The following BTNL3 variants were observed in gnomAD, a reference collection of about 807,000 sequenced individuals.
The protein encoded by BTNL3 is butyrophilin-like protein 3.
BTNL3 carries 20 observed loss-of-function variants against 40.1 expected under a neutral mutation model. The ratio of observed to expected loss-of-function variants is 0.50; its 90% confidence interval spans 0.35 to 0.72. The LOEUF (loss-of-function observed/expected upper bound fraction) is 0.72. Among genes scored for constraint, BTNL3 ranks in the 30% least tolerant of loss-of-function variants. The pLI is 0.01. For synonymous variants in BTNL3, 179 were observed against 222.1 expected, an observed-to-expected ratio of 0.81 and a Z score of 1.73; for missense variants, 449 against 582.2, an observed-to-expected ratio of 0.77 and a Z score of 2.35.
At chr5:181,000,603 G>A (rs1248521848) in intron 3 of BTNL3, among the ~76,000 whole-genome samples, 2 of 132,576 alleles carry the variant, frequency 1.5e-5, no homozygotes, top group African/African-American at 2.6e-5. Context: ...TCAGGAGATC[G>A]AGACCATCCT....
At chr5:180,998,021 C>CCT (rs1408557676) in intron 3 of BTNL3, among the ~76,000 whole-genome samples, 1 of 135,938 alleles carries the variant, frequency 7.4e-6, no homozygotes, top group Non-Finnish European at 1.7e-5. Context: ...TTGCAGTGAG[C>CCT]CGAGATGGCA....
intron 1 of BTNL3, among the ~76,000 whole-genome samples, chr5:180,991,935 C>T (rs1223272942): frequency 1.5e-5 from 2 of 137,012 alleles, no homozygotes; most frequent in African/African-American, 5.0e-5. Flanking sequence ...AAAAAAATCA[C>T]AAAAAATCTT....
rs11954740 is a variant in BTNL3, at chr5:181,003,895, G to A, written c.808+19G>A. ...GAACTGGGTATGTGTCATGTCCTGAGCCTCCCACACATGGTTCTCCCGGGT... is the reference window on the plus strand; with the variant it reads ...GAACTGGGTATGTGTCATGTCCTGAACCTCCCACACATGGTTCTCCCGGGT... On this transcript the variant is annotated intron_variant, in intron 5 of 7. Coordinates refer to ENST00000342868, the MANE Select transcript of BTNL3 (RefSeq NM_197975.3). 0.11 allele frequency: 176,054 copies of A among 1,613,782 alleles called. 10,143 individuals are homozygous for A. Among genetic ancestry groups the A allele is most frequent in the African/African-American group, 0.17 (12,933 of 74,868 alleles).
In BTNL3 at chr5:180,988,914, T is replaced by C; in HGVS notation, c.-115T>C. 8.5e-7 allele frequency: 1 copy of C among 1,178,418 alleles called. No individual in the cohort carries two copies. The highest frequency in any genetic ancestry group is 1.2e-6 in the Non-Finnish European group (1 of 838,948). 73.0% of individuals were successfully genotyped at this position (1,178,418 alleles called of 1,614,324 possible). On this transcript the variant is annotated 5_prime_UTR_variant, in exon 1 of 8. An upstream start codon of the reference 5' UTR is lost. Transcript: ENST00000342868. ...GAAATGCACAGTTTGACATCGTTCA[T>C]GAAGAGCCTCTCCACGGCTCCTGCG...
rs1252183178 is a variant in BTNL3 at position 180,991,641 on chromosome 5, T to C, written c.50-1172T>C. ...CCCTGTCTGTGGAGCCCATTCTCCA[T>C]GCTGGGCATGGGGAATCCTGTGCTG... On this transcript the variant is annotated intron_variant, in intron 1 of 7. Coordinates refer to ENST00000342868, the MANE Select transcript of BTNL3 (RefSeq NM_197975.3). 1.5e-5 allele frequency among the ~76,000 whole-genome samples: 2 copies of C among 136,986 alleles called. 1 individual carries two copies. The highest frequency in any genetic ancestry group is 5.0e-5 in the African/African-American group (2 of 39,692). 89.9% of individuals were successfully genotyped at this position (136,986 alleles called of 152,430 possible). A position where few individuals can be genotyped will look rare whatever the true frequency, so the allele number is the denominator to read the frequency against.
In BTNL3 at chr5:181,002,814, T is replaced by C. The variant is rs770642461; in HGVS notation, c.787+29T>C. 7 of 1,435,682 alleles carry C rather than the reference T, an allele frequency of 4.9e-6. 2 individuals are homozygous for C. The highest frequency in any genetic ancestry group is 6.7e-6 in the Non-Finnish European group (7 of 1,040,306). 88.9% of individuals were successfully genotyped at this position (1,435,682 alleles called of 1,614,324 possible). A position where few individuals can be genotyped will look rare whatever the true frequency, so the allele number is the denominator to read the frequency against. On this transcript the variant is annotated intron_variant, in intron 4 of 7. Coordinates refer to ENST00000342868, the MANE Select transcript of BTNL3 (RefSeq NM_197975.3). The stretch of plus-strand genomic sequence containing the variant: ...AGTGAGAGAGAGAAGCATGGGCCCA[T>C]ACCTTCTTCATGGTTCCAGTGGAGC...
intron 2 of BTNL3, among the ~76,000 whole-genome samples, chr5:180,993,561 G>A (rs976657396): frequency 1.5e-5 from 2 of 135,562 alleles, no homozygotes; most frequent in African/African-American, 5.1e-5. Flanking sequence ...ATAACATTTT[G>A]TAGTGTTTTC....
At position 180,993,154 on chromosome 5, in the gene BTNL3, G is replaced by A; in HGVS notation, c.391G>A (p.Val131Met). 1 of 1,434,900 alleles carries A rather than the reference G, an allele frequency of 7.0e-7. No homozygotes were observed. The allele number at this position is 1,434,900 out of a possible 1,614,324, so 88.9% of individuals were successfully genotyped here. A position where few individuals can be genotyped will look rare whatever the true frequency, so the allele number is the denominator to read the frequency against. ...YDEEATWELR[V>M]AALGSLPLIS... is the part of the protein sequence containing the mutation. ...TGAGGAGGCCACCTGGGAGCTGCGG[G>A]TGGCAGGTCAGTTGTTTATTTATGA... The change falls in exon 2 of 8, where the codon GTG becomes ATG. Residue 131 changes from valine to methionine, a missense_variant. By Grantham distance (21) the Val-to-Met change is conservative. Around this residue, in one of 2 missense-constraint regions of BTNL3, gnomAD observed 323 missense variants for 464.9 expected, o/e 0.69. Transcript: ENST00000342868.
rs1759953362 is a variant in BTNL3 at position 180,990,382 on chromosome 5, T to G, written c.49+1305T>G. Among the ~76,000 whole-genome samples, 2 of 137,670 alleles carry G rather than the reference T, an allele frequency of 1.5e-5. 1 individual carries two copies. The highest frequency in any genetic ancestry group is 3.3e-5 in the Non-Finnish European group (2 of 60,030). The allele number at this position is 137,670 out of a possible 152,430, so 90.3% of individuals were successfully genotyped here. A position where few individuals can be genotyped will look rare whatever the true frequency, so the allele number is the denominator to read the frequency against. ...GCTAATAACTTCTATTAGCATCAAT[T>G]TTTGCTTATGATGACATAGAGATAA... On this transcript the variant is annotated intron_variant, in intron 1 of 7. Transcript: ENST00000342868.
chr5:180,992,939 A>C lies in BTNL3; in HGVS notation c.176A>C (p.Gln59Pro), dbSNP rs1354301623. Residue 59 changes from glutamine (Q) to proline (P), a missense_variant, in exon 2 of 8, where the codon CAG becomes CCG. Gln to Pro is a moderately conservative substitution (Grantham distance 76). Transcript: ENST00000342868. ...ATGGAAGTGCGGTTCTTCAGGAATCAGTTCCATGCTGTGGTCCACCTCTAC... is the reference window on the plus strand; with the variant it reads ...ATGGAAGTGCGGTTCTTCAGGAATCCGTTCCATGCTGTGGTCCACCTCTAC... ...EAMEVRFFRNQFHAVVHLYRD... is the reference protein window; with the variant it reads ...EAMEVRFFRNPFHAVVHLYRD... 1 of 1,463,114 alleles carries C rather than the reference A, an allele frequency of 6.8e-7. No homozygotes were observed. Among genetic ancestry groups the C allele is most frequent in the African/African-American group, 1.4e-5 (1 of 72,422 alleles). The allele number at this position is 1,463,114 out of a possible 1,614,324, so 90.6% of individuals were successfully genotyped here. A position where few individuals can be genotyped will look rare whatever the true frequency, so the allele number is the denominator to read the frequency against.
Position 181,005,681 on chromosome 5 carries a change from C to G in BTNL3, c.1210C>G (p.Pro404Ala), listed in dbSNP as rs751541919. 2 of 1,614,148 alleles carry G rather than the reference C, an allele frequency of 1.2e-6. No individual in the cohort carries two copies. Among genetic ancestry groups the G allele is most frequent in the Non-Finnish European group, 1.7e-6 (2 of 1,180,022 alleles). ...TATCAGCCTCCCCCCCAGCACCCCT[C>G]CTACACGAGTAGGGGTCTTCCTGGA... ...HFISLPPSTP[P>A]TRVGVFLDYE... The change falls in exon 8 of 8, where the codon CCT becomes GCT. Residue 404 changes from proline (P) to alanine (A), a missense_variant. By Grantham distance (27) the Pro-to-Ala change is conservative (BLOSUM62 -1). Coordinates refer to ENST00000342868, the MANE Select transcript of BTNL3 (RefSeq NM_197975.3).
chr5:180,995,470 T>C lies in BTNL3; in HGVS notation c.398-1743T>C, dbSNP rs958480679. Among the ~76,000 whole-genome samples the C allele has an allele frequency of 1.5e-5, 2 of 136,856 alleles. 1 individual carries two copies. The highest frequency in any genetic ancestry group is 3.3e-5 in the Non-Finnish European group (2 of 59,784). The allele number at this position is 136,856 out of a possible 152,430, so 89.8% of individuals were successfully genotyped here. On this transcript the variant is annotated intron_variant, in intron 2 of 7. Transcript: ENST00000342868. ...TCAGGTCCTAGTCTATTTTTGGTGG[T>C]TGTGGCTCCAAATACAATTTAATTT...
Position 180,992,883 on chromosome 5 carries a change from C to T in BTNL3, c.120C>T (p.Cys40=). ...TGGGGGAGGACGCCGTGTTCTCCTG[C>T]TCCCTCTTTCCTGAGACCAGTGCAG... ...ALVGEDAVFS[C]SLFPETSAEA... is the part of the protein sequence containing the mutation. Residue 40 remains cysteine (C), a synonymous_variant, in exon 2 of 8, where the codon TGC becomes TGT. Transcript: ENST00000342868. 6.8e-7 allele frequency: 1 copy of T among 1,463,300 alleles called. No individual in the cohort carries two copies. Among genetic ancestry groups the T allele is most frequent in the South Asian group, 1.1e-5 (1 of 89,280 alleles). 90.6% of individuals were successfully genotyped at this position (1,463,300 alleles called of 1,614,324 possible).
At chr5:181,001,002 C>T (rs1363378194) in intron 3 of BTNL3, among the ~76,000 whole-genome samples, 1 of 135,108 alleles carries the variant, frequency 7.4e-6, no homozygotes, top group Non-Finnish European at 1.7e-5. Flanking sequence ...CCATTGTTCA[C>T]AGTTTATATG....
intron 4 of BTNL3, 134 bp from the exon 5 acceptor site, chr5:181,003,722 A>T: frequency 2.0e-6 from 3 of 1,501,056 alleles, no homozygotes; most frequent in Non-Finnish European, 2.7e-6. Flanking sequence ...TGGGGAGACG[A>T]GCACATATAA....
chr5:180,997,725 A>G (rs1760053448), intron 3 of BTNL3, among the ~76,000 whole-genome samples: 1 of 137,580 alleles, frequency 7.3e-6, no homozygotes, highest in Non-Finnish European at 1.7e-5. Context: ...CAATACCCCC[A>G]TGGTGCAACA....
rs1760069439 is a variant in BTNL3, at chr5:180,998,897, C to T, written c.673+1409C>T. 1.5e-5 allele frequency among the ~76,000 whole-genome samples: 2 copies of T among 137,280 alleles called. 1 individual carries two copies. The highest frequency in any genetic ancestry group is 5.0e-5 in the African/African-American group (2 of 39,894). 90.1% of individuals were successfully genotyped at this position (137,280 alleles called of 152,430 possible). A position where few individuals can be genotyped will look rare whatever the true frequency, so the allele number is the denominator to read the frequency against. ...ATCCCAGCACTTTGGAAGGCCAAGA[C>T]AGGCGGATCACCTGAGGTCAGGAGT... On this transcript the variant is annotated intron_variant, in intron 3 of 7. Transcript: ENST00000342868.
chr5:181,006,012 C>G lies in BTNL3; in HGVS notation c.*140C>G, dbSNP rs754378880. 9.2e-6 allele frequency: 9 copies of G among 974,028 alleles called. No homozygotes were observed. The African/African-American group carries it at 1.2e-4, about 13-fold the overall frequency. 60.3% of individuals were successfully genotyped at this position (974,028 alleles called of 1,614,324 possible). On this transcript the variant is annotated 3_prime_UTR_variant, in exon 8 of 8. Coordinates refer to ENST00000342868, the MANE Select transcript of BTNL3 (RefSeq NM_197975.3). ...ACGCCCCCCACTCTCCTTTAGGGAG[C>G]TGAGGTTCTTCTGCCCTGAGCCCTG...
At position 180,990,176 on chromosome 5, in the gene BTNL3, A is replaced by C. The variant is rs375794993; in HGVS notation, c.49+1099A>C. 6.4e-4 allele frequency among the ~76,000 whole-genome samples: 87 copies of C among 136,756 alleles called. 19 individuals carry two copies. In the Middle Eastern group the frequency reaches 0.011, roughly 17 times the overall value. 89.7% of individuals were successfully genotyped at this position (136,756 alleles called of 152,430 possible). ...CTTTGTCTCAAAAAAACAAAAACAAAAAATCACAATCCACGTATGTTACTC... is the reference window on the plus strand; with the variant it reads ...CTTTGTCTCAAAAAAACAAAAACAACAAATCACAATCCACGTATGTTACTC... On this transcript the variant is annotated intron_variant, in intron 1 of 7. Transcript: ENST00000342868.
Sources: allele counts gnomAD v4.1 joint callset (sites outside exome capture counted in the v4.1 genomes callset), GRCh38; gene constraint gnomAD v4.1.1; regional missense constraint gnomAD v4.1.1; transcripts MANE v1.5; gene names NCBI Gene and HGNC (gene_info 2026-07-23, HGNC 2026-07-21).